DOCK1: variants seen among roughly 807,000 people sequenced by gnomAD.
The protein encoded by DOCK1 is dedicator of cytokinesis protein 1.
DOCK1 carries 138 observed loss-of-function variants against 262.7 expected under a neutral mutation model. The ratio of observed to expected loss-of-function variants is 0.53; its 90% confidence interval spans 0.46 to 0.61. DOCK1 has a LOEUF of 0.61. DOCK1 is among the 20% of genes least tolerant of loss of function. DOCK1 has a pLI of 0.00. For synonymous variants in DOCK1, 866 were observed against 867.4 expected, an observed-to-expected ratio of 1.00 and a Z score of 0.03; for missense variants, 1,908 against 2,370.7, an observed-to-expected ratio of 0.80 and a Z score of 4.05.
At chr10:127,410,981 T>G in intron 43 of DOCK1, 57 bp downstream of exon 43, 1 of 1,547,456 alleles carries the variant, frequency 6.5e-7, no homozygotes, top group Non-Finnish European at 8.8e-7. Context: ...CCGCCACCAG[T>G]AGAACTGCCA....
chr10:127,354,632 G>C, intron 31 of DOCK1, 37 bp from the exon 32 acceptor site: 18 of 1,612,792 alleles, frequency 1.1e-5, no homozygotes, highest in Non-Finnish European at 1.5e-5. Context: ...AATGCCTTCC[G>C]GAGTGATTCA....
chr10:127,348,283 T>A (rs1193374638), intron 31 of DOCK1, among the ~76,000 whole-genome samples: 1 of 152,054 alleles, frequency 6.6e-6, no homozygotes, highest in African/African-American at 2.4e-5. Flanking sequence ...GACCAGCAGC[T>A]CTTCCTCCCA....
intron 1 of DOCK1, among the ~76,000 whole-genome samples, chr10:126,949,192 T>G (rs2035944668): frequency 6.6e-6 from 1 of 152,090 alleles, no homozygotes. Context: ...AAGGTGTTTA[T>G]TGAAGGTGAC....
intron 1 of DOCK1, among the ~76,000 whole-genome samples, chr10:126,948,721 C>A (rs887328770): frequency 6.6e-6 from 1 of 152,024 alleles, no homozygotes; most frequent in South Asian, 2.1e-4. Flanking sequence ...GGGCGCCCAG[C>A]TGTGCAGCTG....
At chr10:127,226,820 C>A (rs1413570674) in intron 27 of DOCK1, among the ~76,000 whole-genome samples, 1 of 152,024 alleles carries the variant, frequency 6.6e-6, no homozygotes, top group Non-Finnish European at 1.5e-5. Context: ...TGTGATTACA[C>A]AATACTTCTA....
At chr10:127,153,412 T>G (rs1175563163) in intron 27 of DOCK1, among the ~76,000 whole-genome samples, 1 of 152,174 alleles carries the variant, frequency 6.6e-6, no homozygotes, top group Non-Finnish European at 1.5e-5. Context: ...AGCACAATCC[T>G]CGAGAGTTCC....
At chr10:127,258,998 C>T (rs1227007861) in intron 29 of DOCK1, among the ~76,000 whole-genome samples, 1 of 152,122 alleles carries the variant, frequency 6.6e-6, no homozygotes, top group East Asian at 1.9e-4. Flanking sequence ...GCCTTGTGTA[C>T]CGTGGCTGCG....
At chr10:127,318,835 G>A (rs1319549819) in intron 29 of DOCK1, among the ~76,000 whole-genome samples, 1 of 152,222 alleles carries the variant, frequency 6.6e-6, no homozygotes, top group Non-Finnish European at 1.5e-5. Flanking sequence ...CAGAGACTAT[G>A]AGTGTTATGA....
intron 29 of DOCK1, among the ~76,000 whole-genome samples, chr10:127,329,624 C>T (rs1013951681): frequency 5.9e-5 from 9 of 152,074 alleles, no homozygotes; most frequent in East Asian, 1.9e-4. Flanking sequence ...TGCCCTCTCT[C>T]GCGGCCTCCC....
At chr10:127,313,692 C>A (rs2062151307) in intron 29 of DOCK1, among the ~76,000 whole-genome samples, 1 of 152,102 alleles carries the variant, frequency 6.6e-6, no homozygotes, top group Admixed American at 6.5e-5. Flanking sequence ...CAGCAGACAC[C>A]CCCAGGTCTC....
chr10:127,023,463 T>G, intron 14 of DOCK1, 139 bp downstream of exon 14: 1 of 1,245,394 alleles, frequency 8.0e-7, no homozygotes, highest in Non-Finnish European at 1.1e-6. Flanking sequence ...GGTTCTTGTT[T>G]CCTTTTCTCC....
chr10:127,065,431 T>C (rs2045805067), intron 23 of DOCK1, among the ~76,000 whole-genome samples: 1 of 152,184 alleles, frequency 6.6e-6, no homozygotes, highest in Non-Finnish European at 1.5e-5. Context: ...ACATTTTGCC[T>C]CCGCACCTGT....
intron 27 of DOCK1, 136 bp from the exon 28 acceptor site, chr10:127,247,872 G>A (rs1008839130): frequency 2.5e-5 from 19 of 754,570 alleles, no homozygotes; most frequent in Middle Eastern, 2.4e-4. Flanking sequence ...GAGAGGGGCA[G>A]CAGAACCCAG....
intron 33 of DOCK1, among the ~76,000 whole-genome samples, chr10:127,367,324 C>T (rs535260028): frequency 3.3e-5 from 5 of 152,200 alleles, no homozygotes; most frequent in Admixed American, 6.5e-5. Flanking sequence ...AATGTTCCTT[C>T]GGAATAGGCT....
rs571364231 is a variant in DOCK1 at position 127,254,356 on chromosome 10, C to A, written c.2950-2979C>A. Among the ~76,000 whole-genome samples the A allele has an allele frequency of 4.6e-5, 7 of 152,244 alleles. No individual in the cohort carries two copies. The South Asian group carries it at 1.0e-3, about 23-fold the overall frequency. Reference sequence around the variant, plus strand: ...TTGTGCTGCCTTGTAATATGCCTTTCGACTGGTTTCTTTATCCCCCTGTAT... The same window carrying A: ...TTGTGCTGCCTTGTAATATGCCTTTAGACTGGTTTCTTTATCCCCCTGTAT... On this transcript the variant is annotated intron_variant, in intron 28 of 51. Transcript: ENST00000623213.
chr10:127,025,432 G>A (rs998046296), intron 15 of DOCK1, among the ~76,000 whole-genome samples: 1 of 152,046 alleles, frequency 6.6e-6, no homozygotes, highest in African/African-American at 2.4e-5. Flanking sequence ...CCAGGTTGGG[G>A]CTAAGAAGAA....
At chr10:126,987,825 T>A (rs1462069466) in intron 5 of DOCK1, among the ~76,000 whole-genome samples, 1 of 152,022 alleles carries the variant, frequency 6.6e-6, no homozygotes, top group East Asian at 1.9e-4. Flanking sequence ...TGCCATGTAT[T>A]TGGGTGTATT....
rs138344669 is a variant in DOCK1 at position 127,150,653 on chromosome 10, C to G, written c.2847+22889C>G. ...CCTGGACCTGTTTATACAATTAGTACTCACTATTGAAATGATGTGATTATT... is the reference window on the plus strand; with the variant it reads ...CCTGGACCTGTTTATACAATTAGTAGTCACTATTGAAATGATGTGATTATT... On this transcript the variant is annotated intron_variant, in intron 27 of 51. Coordinates refer to ENST00000623213, the MANE Select transcript of DOCK1 (RefSeq NM_001290223.2). Among the ~76,000 whole-genome samples, 200 of 152,336 alleles carry G rather than the reference C, an allele frequency of 1.3e-3. 1 individual carries two copies. Among genetic ancestry groups the G allele is most frequent in the African/African-American group, 4.5e-3 (189 of 41,560 alleles).
intron 21 of DOCK1, among the ~76,000 whole-genome samples, chr10:127,046,528 C>T (rs949608189): frequency 3.3e-5 from 5 of 152,040 alleles, no homozygotes; most frequent in South Asian, 2.1e-4. Flanking sequence ...CTGAGGTGGG[C>T]GGATCATTTG....
Sources: gnomAD v4.1 joint callset for allele counts (sites outside exome capture counted in the v4.1 genomes callset) on GRCh38, gnomAD v4.1.1 for gene constraint, MANE v1.5 for transcripts, NCBI Gene and HGNC (gene_info 2026-07-23, HGNC 2026-07-21) for gene names.